The following AFG3L2 variants were observed in gnomAD, a reference collection of about 807,000 sequenced individuals.
AFG3L2 encodes AFG3 like matrix AAA peptidase subunit 2.
In AFG3L2, 54 loss-of-function variants were observed where a neutral mutation model predicts 94.5. The observed-to-expected ratio is 0.57, with a 90% confidence interval of 0.46 to 0.72. The LOEUF (loss-of-function observed/expected upper bound fraction) is 0.72, where lower values mean the gene tolerates loss of function less well. Ranked by LOEUF, AFG3L2 falls within the 30% of genes least tolerant of loss-of-function variation. The pLI, the probability that AFG3L2 is intolerant of heterozygous loss-of-function variation, is 0.00. For synonymous variants in AFG3L2, 377 were observed against 365.5 expected, an observed-to-expected ratio of 1.03 and a Z score of -0.36; for missense variants, 754 against 994.9, an observed-to-expected ratio of 0.76 and a Z score of 3.26.
chr18:12,359,924 T>G lies in AFG3L2; in HGVS notation c.752+3A>C. The stretch of plus-strand genomic sequence containing the variant: ...GTCTACAAAATATTATATTTGAGAT[T>G]ACCCATCACTTTCAGCAATGTAGAC... On this transcript the variant is annotated splice_donor_region_variant and intron_variant, in intron 7 of 16. Coordinates refer to ENST00000269143, the MANE Select transcript of AFG3L2 (RefSeq NM_006796.3). The G allele has an allele frequency of 6.2e-7, 1 of 1,613,088 alleles. No individual in the cohort carries two copies. The highest frequency in any genetic ancestry group is 8.5e-7 in the Non-Finnish European group (1 of 1,179,952).
intron 1 of AFG3L2, among the ~76,000 whole-genome samples, chr18:12,374,403 T>C (rs1324169969): frequency 6.6e-6 from 1 of 152,004 alleles, no homozygotes; most frequent in East Asian, 1.9e-4. Flanking sequence ...TCAGAATCTC[T>C]TCCTCACCGT....
rs760287397 is a variant in AFG3L2, at chr18:12,371,583, A to G, written c.214+9T>C. ...ATGTAGAACACTACAGCCACACCTA[A>G]GCATTTACCTTTTGGGGGTCGAGAA... On this transcript the variant is annotated intron_variant, in intron 2 of 16. Transcript: ENST00000269143. The G allele has an allele frequency of 3.1e-6, 5 of 1,611,922 alleles. No homozygotes were observed. Among genetic ancestry groups the G allele is most frequent in the Non-Finnish European group, 4.2e-6 (5 of 1,178,632 alleles).
chr18:12,337,048 T>C, intron 16 of AFG3L2: 2 of 591,020 alleles, frequency 3.4e-6, no homozygotes, highest in Non-Finnish European at 6.0e-6. Flanking sequence ...CTGTGAACTA[T>C]CTGGTGAGGG....
chr18:12,376,520 C>T (rs1201020189), intron 1 of AFG3L2, among the ~76,000 whole-genome samples: 1 of 152,236 alleles, frequency 6.6e-6, no homozygotes, highest in Non-Finnish European at 1.5e-5. Flanking sequence ...GGAATGCCCG[C>T]AATGGCCCCA....
chr18:12,337,952 T>C (rs1330857810), intron 15 of AFG3L2, among the ~76,000 whole-genome samples: 1 of 152,176 alleles, frequency 6.6e-6, no homozygotes, highest in Non-Finnish European at 1.5e-5. Context: ...GTATTTTTAA[T>C]AGAGACGGGT....
At chr18:12,376,525 G>GC (rs1188141856) in intron 1 of AFG3L2, among the ~76,000 whole-genome samples, 1 of 152,184 alleles carries the variant, frequency 6.6e-6, no homozygotes, top group East Asian at 1.9e-4. Flanking sequence ...GCCCGCAATG[G>GC]CCCCATTCAA....
intron 10 of AFG3L2, 70 bp downstream of exon 10, chr18:12,352,933 GAC>G (rs1000985137): frequency 6.3e-6 from 10 of 1,591,838 alleles, no homozygotes; most frequent in Non-Finnish European, 8.6e-6. Context: ...CAGCCTGGAC[GAC>G]AGAGTCAGAC....
intron 3 of AFG3L2, among the ~76,000 whole-genome samples, chr18:12,369,289 C>T (rs538022449): frequency 6.6e-6 from 1 of 152,166 alleles, no homozygotes; most frequent in Non-Finnish European, 1.5e-5. Context: ...ACTGGGAGAA[C>T]TGTAGGTACT....
intron 9 of AFG3L2, among the ~76,000 whole-genome samples, chr18:12,355,550 A>C (rs1908465560): frequency 6.6e-6 from 1 of 152,238 alleles, no homozygotes; most frequent in East Asian, 1.9e-4. Context: ...GTTACCATTC[A>C]AAAACATGTT....
intron 1 of AFG3L2, among the ~76,000 whole-genome samples, chr18:12,372,068 G>A (rs941344650): frequency 1.3e-5 from 2 of 152,334 alleles, no homozygotes; most frequent in East Asian, 3.9e-4. Flanking sequence ...TACATTGGGA[G>A]GCCGAGGTGG....
chr18:12,343,752 T>C (rs1908030913), intron 14 of AFG3L2: 1 of 276,086 alleles, frequency 3.6e-6, no homozygotes. Context: ...CTTTAAGTCC[T>C]GGACTATCTC....
Position 12,377,017 on chromosome 18 carries a change from G to T in AFG3L2, c.66C>A (p.Leu22=), listed in dbSNP as rs1909182930. The T allele has an allele frequency of 2.1e-6, 3 of 1,461,572 alleles. No individual in the cohort carries two copies. In the African/African-American group the frequency reaches 4.4e-5, roughly 21 times the overall value. 90.5% of individuals were successfully genotyped at this position (1,461,572 alleles called of 1,614,324 possible). A position where few individuals can be genotyped will look rare whatever the true frequency, so the allele number is the denominator to read the frequency against. The change falls in exon 1 of 17, where the codon CTC becomes CTA. Residue 22 remains leucine, a synonymous_variant. Transcript: ENST00000269143. ...CCGGGCCCACGCCGCCAGGCACGAG[G>T]AGCTGCTGTAGGCCGCGGGGCCAGC... ...GGCWPRGLQQ[L]LVPGGVGPGE... is the part of the protein sequence containing the mutation.
Position 12,329,472 on chromosome 18 carries a change from G to C in AFG3L2, c.*93C>G, listed in dbSNP as rs1907443302. 2 of 1,326,286 alleles carry C rather than the reference G, an allele frequency of 1.5e-6. No homozygotes were observed. Among genetic ancestry groups the C allele is most frequent in the Admixed American group, 3.4e-5 (2 of 59,368 alleles). The allele number at this position is 1,326,286 out of a possible 1,614,324, so 82.2% of individuals were successfully genotyped here. A position where few individuals can be genotyped will look rare whatever the true frequency, so the allele number is the denominator to read the frequency against. Reference sequence around the variant, plus strand: ...CTGGGCCAGTGGCTGGCTAAAATCAGCGCAGCATTCCCATTCTTCTGAAAG... The same window carrying C: ...CTGGGCCAGTGGCTGGCTAAAATCACCGCAGCATTCCCATTCTTCTGAAAG... On this transcript the variant is annotated 3_prime_UTR_variant, in exon 17 of 17. Transcript: ENST00000269143.
rs573708927 is a variant in AFG3L2 at position 12,329,691 on chromosome 18, A to G, written c.2268T>C (p.Tyr756=). The G allele has an allele frequency of 1.2e-6, 2 of 1,614,154 alleles. No homozygotes were observed. Among genetic ancestry groups the G allele is most frequent in the African/African-American group, 1.3e-5 (1 of 75,024 alleles). Residue 756 remains tyrosine (Y), a synonymous_variant, in exon 17 of 17, where the codon TAT becomes TAC. Transcript: ENST00000269143. ...GPRPFAEKST[Y]EEFVEGTGSL... is the part of the protein sequence containing the mutation. ...TGCCAGTGCCTTCCACAAATTCTTC[A>G]TAGGTAGATTTTTCCGCAAATGGTC... is the stretch of plus-strand genomic sequence containing the variant.
At chr18:12,374,348 C>T (rs998028210) in intron 1 of AFG3L2, among the ~76,000 whole-genome samples, 4 of 152,218 alleles carry the variant, frequency 2.6e-5, no homozygotes, top group Non-Finnish European at 5.9e-5. Context: ...TATCATCAGT[C>T]TTATTCCTCT....
chr18:12,369,282 G>A (rs147893742), intron 3 of AFG3L2, among the ~76,000 whole-genome samples: 1 of 152,186 alleles, frequency 6.6e-6, no homozygotes, highest in Non-Finnish European at 1.5e-5. Context: ...AGCATGCACT[G>A]GGAGAACTGT....
chr18:12,332,850 A>T (rs1568131763), intron 16 of AFG3L2, among the ~76,000 whole-genome samples: 2 of 144,952 alleles, frequency 1.4e-5, no homozygotes, highest in South Asian at 2.1e-4. Context: ...ACACACACAC[A>T]CACACCATAG....
intron 13 of AFG3L2, among the ~76,000 whole-genome samples, chr18:12,346,072 T>C (rs1908124783): frequency 6.6e-6 from 1 of 152,110 alleles, no homozygotes; most frequent in South Asian, 2.1e-4. Context: ...CTCCTCCACA[T>C]CCCTGTGCCT....
Position 12,340,210 on chromosome 18 carries a change from T to G in AFG3L2, c.1971A>C (p.Ala657=), listed in dbSNP as rs1424912905. The change falls in exon 15 of 17, where the codon GCA becomes GCC. Residue 657 remains alanine, a synonymous_variant. Transcript: ENST00000269143. ...TCTTTCATATACTCACTTGGGCATA[T>G]GCACTCTGAGTTACTTTTCTCAAGT... The part of the protein sequence containing the change: ...QDDLRKVTQS[A]YAQIVQFGMN... 1 of 1,613,602 alleles carries G rather than the reference T, an allele frequency of 6.2e-7. No homozygotes were observed.
Sources: gnomAD v4.1 joint callset for allele counts (sites outside exome capture counted in the v4.1 genomes callset) on GRCh38, gnomAD v4.1.1 for gene constraint, MANE v1.5 for transcripts, NCBI Gene and HGNC (gene_info 2026-07-23, HGNC 2026-07-21) for gene names.